Variants in NEB observed in about 807,000 individuals in gnomAD.
NEB encodes the protein nemaline myopathy type 2.
A neutral mutation model predicts 952.2 loss-of-function variants in NEB; 512 were observed. That is an observed-to-expected ratio of 0.54 (90% CI 0.50 to 0.58). The LOEUF (loss-of-function observed/expected upper bound fraction) is 0.58, where lower values mean the gene tolerates loss of function less well. NEB is among the 20% of genes least tolerant of loss of function. NEB has a pLI of 0.00. For synonymous variants in NEB, 2,900 were observed against 3,149.8 expected, an observed-to-expected ratio of 0.92 and a Z score of 2.66; for missense variants, 8,428 against 9,231.1, an observed-to-expected ratio of 0.91 and a Z score of 3.56.
In NEB at chr2:151,575,624, C is replaced by G. The variant is rs1467223761; in HGVS notation, c.17013+71G>C. On this transcript the variant is annotated intron_variant, in intron 107 of 181. Coordinates refer to ENST00000397345, the MANE Select transcript of NEB (RefSeq NM_001164508.2). ...CAGGGACCGAGTCCATCTTCCCTCCCTTCCATGCTCATAGTATAGCCCTGA... is the reference window on the plus strand; with the variant it reads ...CAGGGACCGAGTCCATCTTCCCTCCGTTCCATGCTCATAGTATAGCCCTGA... The G allele has an allele frequency of 7.3e-6, 8 of 1,094,436 alleles. No individual in the cohort carries two copies. The East Asian group carries it at 1.7e-4, about 23-fold the overall frequency. The allele number at this position is 1,094,436 out of a possible 1,614,324, so 67.8% of individuals were successfully genotyped here. A position where few individuals can be genotyped will look rare whatever the true frequency, so the allele number is the denominator to read the frequency against.
At chr2:151,671,302 C>T in intron 37 of NEB, 73 bp from the exon 38 acceptor site, 1 of 1,272,686 alleles carries the variant, frequency 7.9e-7, no homozygotes, top group South Asian at 1.4e-5. Context: ...ATCTGCAATT[C>T]TATCCAAGGG....
intron 27 of NEB, among the ~76,000 whole-genome samples, chr2:151,685,445 T>C (rs1034305138): frequency 6.6e-6 from 1 of 152,212 alleles, no homozygotes; most frequent in Non-Finnish European, 1.5e-5. Context: ...CATTTTTGAA[T>C]GGATAGTCAA....
chr2:151,636,240 T>G lies in NEB; in HGVS notation c.9089A>C (p.Asp3030Ala), dbSNP rs1252128183. The G allele has an allele frequency of 6.2e-7, 1 of 1,608,982 alleles. No homozygotes were observed. The highest frequency in any genetic ancestry group is 8.5e-7 in the Non-Finnish European group (1 of 1,179,334). ...IPIVAAKASR[D>A]IISDYKYKDG... ...TTGACAACTCACGTCACTGATGATG[T>G]CCCTGGAGGCCTTGGCCGCCACGAT... Residue 3030 changes from aspartate to alanine, a missense_variant, in exon 64 of 182, where the codon GAC becomes GCC. Physicochemically the swap from Asp to Ala is moderately radical, Grantham distance 126. Around this residue, in one of 11 missense-constraint regions of NEB, gnomAD observed 1,772 missense variants for 1,960.3 expected, o/e 0.90. Transcript: ENST00000397345.
chr2:151,498,127 G>A, intron 170 of NEB, 133 bp downstream of exon 170: 1 of 1,520,238 alleles, frequency 6.6e-7, no homozygotes. Flanking sequence ...AAATGGGAAA[G>A]TATATCCTTT....
chr2:151,560,832 G>T, intron 123 of NEB, 133 bp from the exon 124 acceptor site: 1 of 777,074 alleles, frequency 1.3e-6, no homozygotes, highest in Non-Finnish European at 2.1e-6. Flanking sequence ...TTTAAGGTGG[G>T]GCTTATTTAA....
chr2:151,696,658 G>C lies in NEB; in HGVS notation c.1548C>G (p.Val516=), dbSNP rs200489965. 1 of 1,613,598 alleles carries C rather than the reference G, an allele frequency of 6.2e-7. No individual in the cohort carries two copies. Among genetic ancestry groups the C allele is most frequent in the East Asian group, 2.2e-5 (1 of 44,866 alleles). Residue 516 remains valine (V), a synonymous_variant, in exon 17 of 182, where the codon GTC becomes GTG. Coordinates refer to ENST00000397345, the MANE Select transcript of NEB (RefSeq NM_001164508.2). ...TDSPVLLQAQ[V]NSKQLSDLNY... ...TTACGTCACTCAGTTGTTTGGAATT[G>C]ACTTGGGCTTGTAGCAGAACAGGAG... is the stretch of plus-strand genomic sequence containing the variant.
intron 127 of NEB, among the ~76,000 whole-genome samples, 181 bp from the exon 128 acceptor site, chr2:151,552,957 A>G (rs1414011117): frequency 6.6e-6 from 1 of 152,202 alleles, no homozygotes; most frequent in South Asian, 2.1e-4. Flanking sequence ...GGGCTTCTAG[A>G]GTCTTCTAGG....
Position 151,672,424 on chromosome 2 carries a change from A to T in NEB, c.4244T>A (p.Leu1415Gln), listed in dbSNP as rs2099312411. 2.5e-6 allele frequency: 4 copies of T among 1,613,262 alleles called. No individual in the cohort carries two copies. The highest frequency in any genetic ancestry group is 3.4e-6 in the Non-Finnish European group (4 of 1,179,250). The change falls in exon 37 of 182, where the codon CTA (leucine) becomes CAA (glutamine). Residue 1415 changes from leucine to glutamine, a missense_variant. Leu to Gln is a moderately radical substitution (Grantham distance 113). Around this residue, in one of 11 missense-constraint regions of NEB, gnomAD observed 2,851 missense variants for 2,791.5 expected, o/e 1.02. Coordinates refer to ENST00000397345, the MANE Select transcript of NEB (RefSeq NM_001164508.2). ...YKQPLHHYTY[L>Q]PDAMSLEHTR... is the part of the protein sequence containing the mutation. ...ATGCTCAAGACTCATGGCGTCAGGT[A>T]GGTATGTGTAATGATGCAATGGCTG...
At chr2:151,717,766 C>G (rs2099763061) in intron 9 of NEB, among the ~76,000 whole-genome samples, 1 of 152,060 alleles carries the variant, frequency 6.6e-6, no homozygotes, top group African/African-American at 2.4e-5. Flanking sequence ...TTCTCTTAAC[C>G]AGCGTCTTCA....
Position 151,576,236 on chromosome 2 carries a change from G to A in NEB, c.16823C>T (p.Thr5608Met), listed in dbSNP as rs200952733. The A allele has an allele frequency of 1.7e-5, 27 of 1,611,232 alleles. No individual in the cohort carries two copies. Among genetic ancestry groups the A allele is most frequent in the Middle Eastern group, 1.7e-4 (1 of 6,054 alleles). The change falls in exon 106 of 182, where the codon ACG becomes ATG. Residue 5608 changes from threonine (T) to methionine (M), a missense_variant. Coordinates refer to ENST00000397345, the MANE Select transcript of NEB (RefSeq NM_001164508.2). ...TGTGTACTTAAGGTTCACCACAGGC[G>A]TCCGATAGACACTGTCACAAAAGAT... ...QNIFCDSVYRTPVVNLKYTSI... is the reference protein window; with the variant it reads ...QNIFCDSVYRMPVVNLKYTSI...
chr2:151,523,315 T>C (rs770809438), intron 153 of NEB, among the ~76,000 whole-genome samples: 1 of 152,236 alleles, frequency 6.6e-6, no homozygotes, highest in Non-Finnish European at 1.5e-5. Context: ...ATCAGTCATC[T>C]GACCCTCTTG....
chr2:151,544,303 C>G (rs1460783052), intron 135 of NEB, among the ~76,000 whole-genome samples: 1 of 152,170 alleles, frequency 6.6e-6, no homozygotes, highest in Non-Finnish European at 1.5e-5. Context: ...TATCTTTACT[C>G]TGAAGCACTA....
intron 154 of NEB, 46 bp from the exon 155 acceptor site, chr2:151,519,115 G>T: frequency 8.3e-7 from 1 of 1,210,068 alleles, no homozygotes; most frequent in South Asian, 1.2e-5. Flanking sequence ...ATAGGAAATG[G>T]AACAGCACTA....
chr2:151,677,354 G>T (rs2099372189), intron 34 of NEB, among the ~76,000 whole-genome samples: 1 of 151,884 alleles, frequency 6.6e-6, no homozygotes, highest in South Asian at 2.1e-4. Context: ...CAGTTAAAAA[G>T]GAAAAGTTTT....
At chr2:151,675,658 C>G (rs1457325919) in intron 34 of NEB, among the ~76,000 whole-genome samples, 3 of 151,970 alleles carry the variant, frequency 2.0e-5, no homozygotes, top group Non-Finnish European at 4.4e-5. Context: ...ACCATGAAAC[C>G]CTAGCAAGAA....
rs546378956 is a variant in NEB, at chr2:151,697,506, C to CT, written c.1257+37dup. 2.5e-4 allele frequency: 404 copies of CT among 1,605,808 alleles called. 3 individuals are homozygous for CT. In the African/African-American group the frequency reaches 3.6e-3, roughly 14 times the overall value. On this transcript the variant is annotated intron_variant, in intron 14 of 181. Transcript: ENST00000397345. ...TTATTAATTGGTGAAATAATGGGTT[C>CT]TTTTTTTAACAGAAAGAGTGACAGT...
At position 151,567,241 on chromosome 2, in the gene NEB, A is replaced by G. The variant is rs1221212842; in HGVS notation, c.18083T>C (p.Leu6028Ser). Residue 6028 changes from leucine to serine, a missense_variant, in exon 114 of 182, where the codon TTG becomes TCG. Physicochemically the swap from Leu to Ser is moderately radical, Grantham distance 145. Transcript: ENST00000397345. ...GTCAGGATGACACATCCATTGGTGC[A>G]AGTAATTACGATAATCAATATCACT... ...LVSDIDYRNY[L>S]HQWMCHPDQN... 2 of 1,613,860 alleles carry G rather than the reference A, an allele frequency of 1.2e-6. No homozygotes were observed. Among genetic ancestry groups the G allele is most frequent in the Admixed American group, 3.3e-5 (2 of 60,020 alleles).
chr2:151,557,042 C>T (rs1483208898), intron 124 of NEB, among the ~76,000 whole-genome samples: 1 of 152,028 alleles, frequency 6.6e-6, no homozygotes, highest in Non-Finnish European at 1.5e-5. Context: ...GAGATTGAGA[C>T]ACAAAAAACC....
chr2:151,660,284 A>C (rs1350132368), intron 46 of NEB, among the ~76,000 whole-genome samples: 1 of 152,168 alleles, frequency 6.6e-6, no homozygotes, highest in Admixed American at 6.6e-5. Context: ...AGGATCCCTA[A>C]AAAATACTCT....
Sources: gnomAD v4.1 joint callset for allele counts (sites outside exome capture counted in the v4.1 genomes callset) on GRCh38, gnomAD v4.1.1 for gene constraint, gnomAD v4.1.1 regional missense constraint, MANE v1.5 for transcripts, NCBI Gene and HGNC (gene_info 2026-07-23, HGNC 2026-07-21) for gene names.